The following HS3ST3A1 variants were observed in gnomAD, a reference collection of about 807,000 sequenced individuals.
The protein encoded by HS3ST3A1 is heparan sulfate glucosamine 3-O-sulfotransferase 3A1.
HS3ST3A1 carries 19 observed loss-of-function variants against 25.7 expected under a neutral mutation model. The observed-to-expected ratio is 0.74, with a 90% CI of 0.52 to 1.08. HS3ST3A1 has a LOEUF of 1.08. HS3ST3A1 is among the 50% of genes least tolerant of loss of function. The pLI is 0.00. For missense variants in HS3ST3A1, 459 were observed against 594.3 expected, an observed-to-expected ratio of 0.77 and a Z score of 2.37; for synonymous variants, 226 against 278.6, an observed-to-expected ratio of 0.81 and a Z score of 1.88.
At position 13,496,256 on chromosome 17, in the gene HS3ST3A1, G is replaced by A. The variant is rs751035193; in HGVS notation, c.1162C>T (p.Arg388Trp). ...TGGTAGAACTTGAGGTTGAAAGGCC[G>A]GTAGAACTCGCGCAGCCTGCGCACC... ...EVVRRLREFY[R>W]PFNLKFYQMT... Residue 388 changes from arginine to tryptophan, a missense_variant, in exon 2 of 2, where the codon CGG (arginine) becomes TGG (tryptophan). Physicochemically the swap from Arg to Trp is moderately radical, Grantham distance 101 (BLOSUM62 -3). Coordinates refer to ENST00000284110, the MANE Select transcript of HS3ST3A1 (RefSeq NM_006042.3). 64 of 1,583,084 alleles carry A rather than the reference G, an allele frequency of 4.0e-5. No individual in the cohort carries two copies. Among genetic ancestry groups the A allele is most frequent in the Non-Finnish European group, 5.3e-5 (62 of 1,167,010 alleles).
chr17:13,541,943 G>C (rs1893707815), intron 1 of HS3ST3A1, among the ~76,000 whole-genome samples: 2 of 152,180 alleles, frequency 1.3e-5, no homozygotes. Flanking sequence ...GGAATGGACG[G>C]AATTATATCC....
At chr17:13,537,466 C>T (rs534812464) in intron 1 of HS3ST3A1, among the ~76,000 whole-genome samples, 73 of 152,296 alleles carry the variant, frequency 4.8e-4, no homozygotes, top group African/African-American at 1.8e-3. Flanking sequence ...CCTCTTGTCC[C>T]CATTACTTTG....
intron 1 of HS3ST3A1, among the ~76,000 whole-genome samples, chr17:13,529,513 T>C (rs1906536757): frequency 6.6e-6 from 1 of 152,222 alleles, no homozygotes; most frequent in Non-Finnish European, 1.5e-5. Context: ...GGTTTTTCAT[T>C]AAAATGCTTT....
chr17:13,508,404 A>C (rs1482953047), intron 1 of HS3ST3A1, among the ~76,000 whole-genome samples: 1 of 152,212 alleles, frequency 6.6e-6, no homozygotes, highest in Non-Finnish European at 1.5e-5. Flanking sequence ...CAGATCAAAG[A>C]GTCCTCCTGG....
intron 1 of HS3ST3A1, among the ~76,000 whole-genome samples, chr17:13,565,854 C>T (rs1265047205): frequency 6.6e-6 from 1 of 152,146 alleles, no homozygotes; most frequent in Non-Finnish European, 1.5e-5. Flanking sequence ...ACGTTCTGTC[C>T]TCTGGAAGTT....
At chr17:13,515,112 A>G (rs1057278572) in intron 1 of HS3ST3A1, among the ~76,000 whole-genome samples, 1 of 152,316 alleles carries the variant, frequency 6.6e-6, no homozygotes, top group South Asian at 2.1e-4. Flanking sequence ...TTCAATAAAA[A>G]ATGTTCTAGA....
intron 1 of HS3ST3A1, among the ~76,000 whole-genome samples, chr17:13,498,775 A>G (rs1050822483): frequency 5.9e-5 from 9 of 152,174 alleles, no homozygotes; most frequent in African/African-American, 1.9e-4. Context: ...AAAATGGACA[A>G]TTTCCTCTGT....
chr17:13,577,426 C>T (rs1907972653), intron 1 of HS3ST3A1, among the ~76,000 whole-genome samples: 1 of 152,148 alleles, frequency 6.6e-6, no homozygotes, highest in Admixed American at 6.5e-5. Context: ...ACCTTCCTTC[C>T]CCACTGCCTT....
intron 1 of HS3ST3A1, among the ~76,000 whole-genome samples, chr17:13,510,594 CAGG>C (rs937880193): frequency 3.9e-5 from 6 of 152,162 alleles, no homozygotes; most frequent in African/African-American, 7.2e-5. Flanking sequence ...AAGTTTGAAC[CAGG>C]AGAAGTGACT....
In HS3ST3A1 at chr17:13,600,745, CCCCGGAGCCG is replaced by C; in HGVS notation, c.375_384del (p.Gly126ProfsTer32). ...GGGGCCTCGGCCACGGTGCTTCCGG[CCCCGGAGCCG>C]CCCGGACCCCCTGACAGGCCAGGGG... On this transcript the variant is annotated frameshift_variant, in exon 1 of 2. Transcript: ENST00000284110. LOFTEE classifies it high-confidence loss of function. 6.6e-7 allele frequency: 1 copy of C among 1,526,340 alleles called. No homozygotes were observed. Among genetic ancestry groups the C allele is most frequent in the Non-Finnish European group, 8.7e-7 (1 of 1,143,858 alleles). The allele number at this position is 1,526,340 out of a possible 1,614,324, so 94.5% of individuals were successfully genotyped here. A position where few individuals can be genotyped will look rare whatever the true frequency, so the allele number is the denominator to read the frequency against.
At chr17:13,554,514 T>C (rs749505467) in intron 1 of HS3ST3A1, among the ~76,000 whole-genome samples, 2 of 152,240 alleles carry the variant, frequency 1.3e-5, no homozygotes, top group Non-Finnish European at 2.9e-5. Context: ...TGTGCGGTGC[T>C]GATATCTCTG....
Position 13,496,567 on chromosome 17 carries a change from C to G in HS3ST3A1, c.851G>C (p.Ser284Thr). ...GGCGTAGATGCCGATCTGGATGGCG[C>G]TCCACGACGTGTCGATGAGGCCCGC... ...RTAGLIDTSW[S>T]AIQIGIYAKH... The change falls in exon 2 of 2, where the codon AGC becomes ACC. Residue 284 changes from serine (S) to threonine (T), a missense_variant. Ser to Thr is a moderately conservative substitution (Grantham distance 58). Coordinates refer to ENST00000284110, the MANE Select transcript of HS3ST3A1 (RefSeq NM_006042.3). 6.3e-7 allele frequency: 1 copy of G among 1,585,538 alleles called. No homozygotes were observed. Among genetic ancestry groups the G allele is most frequent in the East Asian group, 2.3e-5 (1 of 44,140 alleles).
intron 1 of HS3ST3A1, among the ~76,000 whole-genome samples, chr17:13,504,802 T>C (rs1905604808): frequency 6.6e-6 from 1 of 151,906 alleles, no homozygotes; most frequent in South Asian, 2.1e-4. Context: ...TACCTAGGAG[T>C]CAGGCGTCCT....
chr17:13,576,818 C>T (rs975226685), intron 1 of HS3ST3A1, among the ~76,000 whole-genome samples: 11 of 152,204 alleles, frequency 7.2e-5, no homozygotes, highest in Non-Finnish European at 1.3e-4. Flanking sequence ...ACCAATAAAC[C>T]GGATGGTGCA....
chr17:13,515,815 T>A (rs1906035313), intron 1 of HS3ST3A1, among the ~76,000 whole-genome samples: 1 of 150,654 alleles, frequency 6.6e-6, no homozygotes, highest in South Asian at 2.1e-4. Context: ...ATGTTATCAG[T>A]TTTTAAAAAT....
Position 13,600,754 on chromosome 17 carries a change from C to T in HS3ST3A1, c.376G>A (p.Gly126Ser). ...ESPGLSGGPG[G>S]SGAGSTVAEA... The stretch of plus-strand genomic sequence containing the variant: ...GCCACGGTGCTTCCGGCCCCGGAGC[C>T]GCCCGGACCCCCTGACAGGCCAGGG... The change falls in exon 1 of 2, where the codon GGC (glycine) becomes AGC (serine). Residue 126 changes from glycine (G) to serine (S), a missense_variant. Gly to Ser is a moderately conservative substitution (Grantham distance 56). Coordinates refer to ENST00000284110, the MANE Select transcript of HS3ST3A1 (RefSeq NM_006042.3). 2 of 1,515,900 alleles carry T rather than the reference C, an allele frequency of 1.3e-6. No homozygotes were observed. The highest frequency in any genetic ancestry group is 2.6e-5 in the East Asian group (1 of 39,182). The allele number at this position is 1,515,900 out of a possible 1,614,324, so 93.9% of individuals were successfully genotyped here. A position where few individuals can be genotyped will look rare whatever the true frequency, so the allele number is the denominator to read the frequency against.
At chr17:13,596,618 C>T (rs144989956) in intron 1 of HS3ST3A1, among the ~76,000 whole-genome samples, 1 of 152,042 alleles carries the variant, frequency 6.6e-6, no homozygotes, top group South Asian at 2.1e-4. Context: ...GACTCAGAGT[C>T]CAAAGTAACA....
intron 1 of HS3ST3A1, among the ~76,000 whole-genome samples, chr17:13,591,930 GA>G (rs2142393348): frequency 6.6e-6 from 1 of 152,278 alleles, no homozygotes; most frequent in Non-Finnish European, 1.5e-5. Context: ...AAAGTGCCGG[GA>G]TTCCAGGCAT....
intron 1 of HS3ST3A1, among the ~76,000 whole-genome samples, chr17:13,516,126 T>C (rs1283542252): frequency 1.3e-5 from 2 of 151,962 alleles, no homozygotes; most frequent in Non-Finnish European, 2.9e-5. Context: ...CTGGCCAACA[T>C]GGAGAAAGCC....
Sources: gnomAD v4.1 joint callset for allele counts (sites outside exome capture counted in the v4.1 genomes callset) on GRCh38, gnomAD v4.1.1 for gene constraint, MANE v1.5 for transcripts, NCBI Gene and HGNC (gene_info 2026-07-23, HGNC 2026-07-21) for gene names.